The following RGS8 variants were observed in gnomAD, a reference collection of about 807,000 sequenced individuals.
RGS8 encodes the protein regulator of G protein signaling 8.
In RGS8, 8 loss-of-function variants were observed where a neutral mutation model predicts 21.7. The observed-to-expected ratio is 0.37, with a 90% CI of 0.22 to 0.66. The LOEUF (loss-of-function observed/expected upper bound fraction) is 0.66, where lower values mean the gene tolerates loss of function less well. Ranked by LOEUF, RGS8 falls within the 30% of genes least tolerant of loss-of-function variation. RGS8 has a pLI of 0.59. For missense variants in RGS8, 157 were observed against 217.9 expected (o/e 0.72, Z 1.76); for synonymous variants, 80 against 83.6 (o/e 0.96, Z 0.24).
At chr1:182,713,367 A>G in the RGS8 span, among the ~76,000 whole-genome samples, 1 of 151,728 alleles carries the variant, frequency 6.6e-6, no homozygotes, top group Non-Finnish European at 1.5e-5. Flanking sequence ...TATTTTTAGT[A>G]GAGATGGGGT....
At chr1:182,733,672 G>A in the RGS8 span, 2 of 152,230 alleles carry the variant, frequency 1.3e-5, no homozygotes, top group Admixed American at 6.5e-5. Flanking sequence ...TGATGTCAAG[G>A]ACCAGCCAAG....
chr1:182,726,184 C>CAAA, the RGS8 span, among the ~76,000 whole-genome samples: 1 of 115,102 alleles, frequency 8.7e-6, no homozygotes, highest in Non-Finnish European at 1.8e-5. Context: ...ATGCTAATCT[C>CAAA]AAAAAAAAAA....
exon 5 of RGS8, chr1:182,666,021 T>C (rs758461970): frequency 2.5e-6 from 4 of 1,613,914 alleles, no homozygotes; most frequent in South Asian, 1.1e-5. Context: ...TAGCTTCTTC[T>C]GTCGATAATC....
intron 3 of RGS8, 28 bp downstream of exon 4, chr1:182,669,596 G>T (rs989352712): frequency 6.2e-7 from 1 of 1,614,198 alleles, no homozygotes; most frequent in Non-Finnish European, 8.5e-7. Flanking sequence ...AGGGTCAGGG[G>T]CAAGAAAACA....
At chr1:182,680,965 T>A (rs1664517195) in intron 1 of RGS8, among the ~76,000 whole-genome samples, 1 of 152,202 alleles carries the variant, frequency 6.6e-6, no homozygotes, top group Non-Finnish European at 1.5e-5. Context: ...CAGGCTCTCC[T>A]TGGCTTAGGA....
At chr1:182,745,278 A>G in the RGS8 span, among the ~76,000 whole-genome samples, 1 of 152,254 alleles carries the variant, frequency 6.6e-6, no homozygotes. Flanking sequence ...AAACAGGAAT[A>G]AAAGAGAAAG....
At chr1:182,688,241 T>C (rs1664748113), upstream of RGS8, among the ~76,000 whole-genome samples, 1 of 152,210 alleles carries the variant, frequency 6.6e-6, no homozygotes, top group South Asian at 2.1e-4. Flanking sequence ...ATTCTCCCAA[T>C]AAATTGTAAG....
At chr1:182,679,967 C>A (rs1165789023) in intron 1 of RGS8, among the ~76,000 whole-genome samples, 3 of 152,206 alleles carry the variant, frequency 2.0e-5, no homozygotes, top group African/African-American at 7.2e-5. Context: ...CATCTCCTGT[C>A]GACAACCAAT....
the RGS8 span, among the ~76,000 whole-genome samples, chr1:182,701,907 C>T: frequency 1.4e-4 from 21 of 152,240 alleles, no homozygotes; most frequent in South Asian, 6.2e-4. Context: ...CAAGTCAGAA[C>T]GGCTACTATT....
chr1:182,730,155 G>A, the RGS8 span, among the ~76,000 whole-genome samples: 1 of 152,146 alleles, frequency 6.6e-6, no homozygotes, highest in Non-Finnish European at 1.5e-5. Context: ...CTTAATTTGA[G>A]CAGTCTTCCA....
chr1:182,700,997 CATT>C, the RGS8 span, among the ~76,000 whole-genome samples: 1 of 152,198 alleles, frequency 6.6e-6, no homozygotes, highest in Non-Finnish European at 1.5e-5. Flanking sequence ...TATTATGAAT[CATT>C]GTAACAAATT....
intron 5 of RGS8, among the ~76,000 whole-genome samples, chr1:182,662,197 T>G (rs1045967606): frequency 3.3e-5 from 5 of 152,208 alleles, no homozygotes; most frequent in Non-Finnish European, 7.3e-5. Flanking sequence ...GATTTCAGCC[T>G]ATGAGGTGCT....
At chr1:182,729,633 T>G in the RGS8 span, among the ~76,000 whole-genome samples, 2 of 152,356 alleles carry the variant, frequency 1.3e-5, no homozygotes, top group African/African-American at 2.4e-5. Flanking sequence ...ATTAATATAC[T>G]GATAAGTAAT....
At chr1:182,695,996 T>C in the RGS8 span, among the ~76,000 whole-genome samples, 1 of 152,256 alleles carries the variant, frequency 6.6e-6, no homozygotes, top group Non-Finnish European at 1.5e-5. Flanking sequence ...AATGAACATC[T>C]AAACCTTCTG....
chr1:182,647,508 T>C (rs1029978046), intron 6 of RGS8, among the ~76,000 whole-genome samples: 4 of 152,222 alleles, frequency 2.6e-5, no homozygotes, highest in African/African-American at 9.6e-5. Context: ...AGCAAACATT[T>C]TTCTTCATTT....
At chr1:182,739,428 C>G in the RGS8 span, among the ~76,000 whole-genome samples, 1 of 152,148 alleles carries the variant, frequency 6.6e-6, no homozygotes, top group South Asian at 2.1e-4. Flanking sequence ...CGTGGGGGAA[C>G]TGATGTTCTT....
chr1:182,739,273 C>T, the RGS8 span, among the ~76,000 whole-genome samples: 11 of 152,136 alleles, frequency 7.2e-5, no homozygotes, highest in African/African-American at 2.7e-4. Flanking sequence ...CAGTGCTTAA[C>T]GTGAGAGAAA....
At chr1:182,691,759 A>G in the RGS8 span, among the ~76,000 whole-genome samples, 1 of 152,142 alleles carries the variant, frequency 6.6e-6, no homozygotes, top group Non-Finnish European at 1.5e-5. Flanking sequence ...AAGCTGGAAC[A>G]AGACAATGAT....
the RGS8 span, among the ~76,000 whole-genome samples, chr1:182,696,639 C>T: frequency 0.019 from 2,911 of 152,334 alleles, 38 homozygotes; most frequent in Middle Eastern, 0.044. Context: ...CGTGAGCCAC[C>T]GTGCCAAGCC....
Sources: gnomAD v4.1 joint callset for allele counts (sites outside exome capture counted in the v4.1 genomes callset) on GRCh38, gnomAD v4.1.1 for gene constraint, MANE v1.5 for transcripts, NCBI Gene and HGNC (gene_info 2026-07-23, HGNC 2026-07-21) for gene names.